C16orf96: variants seen among roughly 807,000 people sequenced by gnomAD.
C16orf96 encodes the protein uncharacterized protein C16orf96.
A neutral mutation model predicts 103.6 loss-of-function variants in C16orf96; 108 were observed. That is an observed-to-expected ratio of 1.04 (90% CI 0.89 to 1.22). C16orf96 has a LOEUF of 1.22. C16orf96 is among the 50% of genes most tolerant of loss of function. C16orf96 has a pLI of 0.00. For synonymous variants in C16orf96, 566 were observed against 593.5 expected, an observed-to-expected ratio of 0.95 and a Z score of 0.67; for missense variants, 1,586 against 1,464.2, an observed-to-expected ratio of 1.08 and a Z score of -1.36.
At chr16:4,600,013 T>A (rs1897249969) in intron 15 of C16orf96, 87 bp from the exon 16 acceptor site, 1 of 1,306,770 alleles carries the variant, frequency 7.7e-7, no homozygotes, top group East Asian at 2.5e-5. Flanking sequence ...GGGCTTCTCT[T>A]CTCTTTAGTG....
chr16:4,558,353 C>A (rs1051061356), intron 1 of C16orf96, among the ~76,000 whole-genome samples: 10 of 152,194 alleles, frequency 6.6e-5, no homozygotes, highest in Admixed American at 3.3e-4. Context: ...CAGTGGCTCA[C>A]ACCTATAATC....
chr16:4,564,365 A>G (rs2059365177), intron 1 of C16orf96, among the ~76,000 whole-genome samples: 1 of 152,178 alleles, frequency 6.6e-6, no homozygotes, highest in Non-Finnish European at 1.5e-5. Context: ...CACTGGGTCC[A>G]GGAAGTCCCC....
At chr16:4,562,469 A>AAC (rs1249024224) in intron 1 of C16orf96, among the ~76,000 whole-genome samples, 1 of 151,752 alleles carries the variant, frequency 6.6e-6, no homozygotes, top group Non-Finnish European at 1.5e-5. Context: ...GTCAAAAAAA[A>AAC]AAAAAAGAGA....
rs2059549001 is a variant in C16orf96, at chr16:4,579,026, G to A, written c.2241+1G>A. 6.4e-6 allele frequency: 10 copies of A among 1,551,422 alleles called. No homozygotes were observed. The highest frequency in any genetic ancestry group is 8.7e-6 in the Non-Finnish European group (10 of 1,146,826). ...CAGCCTCCAGAAATCTAGGCTCAAG[G>A]TTAGTGTCTCCGGCGAAGGGCTTTT... On this transcript the variant is annotated splice_donor_variant, in intron 6 of 15. Transcript: ENST00000444310. LOFTEE classifies it high-confidence loss of function.
rs2059501632 is a variant in C16orf96, at chr16:4,575,985, G to C, written c.1505G>C (p.Arg502Thr). 1.9e-6 allele frequency: 3 copies of C among 1,549,988 alleles called. No individual in the cohort carries two copies. Among genetic ancestry groups the C allele is most frequent in the African/African-American group, 1.4e-5 (1 of 72,874 alleles). The change falls in exon 5 of 16, where the codon AGA (arginine) becomes ACA (threonine). Residue 502 changes from arginine (R) to threonine (T), a missense_variant. By Grantham distance (71) the Arg-to-Thr change is moderately conservative (BLOSUM62 -1). Coordinates refer to ENST00000444310, the MANE Select transcript of C16orf96 (RefSeq NM_001145011.2). ...GGCAAGGATGTGGACCCCAAGGATA[G>C]AGCTCACAAGGATGATGTCCCCAAA... ...RGGKDVDPKD[R>T]AHKDDVPKDR...
At chr16:4,591,810 G>C in intron 10 of C16orf96, 26 bp downstream of exon 10, 1 of 1,443,424 alleles carries the variant, frequency 6.9e-7, no homozygotes, top group Non-Finnish European at 9.3e-7. Context: ...AGCCCCTCCT[G>C]GTAGGGGTCC....
chr16:4,569,917 A>C (rs2056081558), intron 1 of C16orf96, among the ~76,000 whole-genome samples: 1 of 152,074 alleles, frequency 6.6e-6, no homozygotes, highest in South Asian at 2.1e-4. Flanking sequence ...GCCCATGGCC[A>C]CTTTTACAAC....
At chr16:4,542,690 C>T in the C16orf96 span, among the ~76,000 whole-genome samples, 5 of 151,836 alleles carry the variant, frequency 3.3e-5, no homozygotes, top group Admixed American at 6.6e-5. Flanking sequence ...CCCAGCTACT[C>T]GGGAGGCTGA....
intron 14 of C16orf96, among the ~76,000 whole-genome samples, chr16:4,598,388 A>C (rs1351702272): frequency 1.3e-5 from 2 of 152,114 alleles, no homozygotes; most frequent in African/African-American, 4.8e-5. Context: ...AAATGTCCAG[A>C]ATAGAAAAAT....
chr16:4,584,787 G>A (rs1343664796), intron 7 of C16orf96, among the ~76,000 whole-genome samples: 4 of 152,096 alleles, frequency 2.6e-5, no homozygotes, highest in African/African-American at 9.7e-5. Context: ...GCCTGCCTCG[G>A]CCTCCCAAAG....
At chr16:4,549,149 C>G in the C16orf96 span, among the ~76,000 whole-genome samples, 1 of 151,982 alleles carries the variant, frequency 6.6e-6, no homozygotes, top group African/African-American at 2.4e-5. Context: ...TTTCACAAAC[C>G]TCACTCACTA....
Position 4,575,360 on chromosome 16 carries a change from T to C in C16orf96, c.880T>C (p.Ser294Pro). The C allele has an allele frequency of 3.2e-6, 5 of 1,551,178 alleles. No individual in the cohort carries two copies. Among genetic ancestry groups the C allele is most frequent in the Non-Finnish European group, 4.4e-6 (5 of 1,146,990 alleles). The change falls in exon 5 of 16, where the codon TCT (serine) becomes CCT (proline). Residue 294 changes from serine to proline, a missense_variant. Ser to Pro is a moderately conservative substitution (Grantham distance 74). Coordinates refer to ENST00000444310, the MANE Select transcript of C16orf96 (RefSeq NM_001145011.2). ...EVPELLPEGS[S>P]AQAVSLSRAQ... is the part of the protein sequence containing the mutation. ...CCCAGAGCTCCTCCCGGAGGGCTCA[T>C]CTGCCCAAGCAGTTTCACTCAGCAG...
chr16:4,591,725 C>T lies in C16orf96; in HGVS notation c.2652C>T (p.Val884=). ...AAATGGAAGAGGTCTGGAAAATCGT[C>T]CGGAAGCTGCTGATTGAGGGCTTAA... is the stretch of plus-strand genomic sequence containing the variant. ...KKEMEEVWKI[V]RKLLIEGLRL... Residue 884 remains valine, a synonymous_variant, in exon 10 of 16, where the codon GTC becomes GTT. Transcript: ENST00000444310. 1 of 1,551,682 alleles carries T rather than the reference C, an allele frequency of 6.4e-7. No individual in the cohort carries two copies. Among genetic ancestry groups the T allele is most frequent in the Non-Finnish European group, 8.7e-7 (1 of 1,146,996 alleles).
At chr16:4,592,472 T>A in intron 11 of C16orf96, 105 bp downstream of exon 11, 1 of 1,277,086 alleles carries the variant, frequency 7.8e-7, no homozygotes, top group Non-Finnish European at 1.1e-6. Flanking sequence ...GCTGTGTGTC[T>A]ACACATCCAT....
chr16:4,575,106 G>A (rs1023103012), intron 4 of C16orf96, 48 bp downstream of exon 4: 15 of 1,548,482 alleles, frequency 9.7e-6, no homozygotes, highest in South Asian at 5.9e-5. Context: ...GGGAGCAGGC[G>A]GGTGGCTGAC....
chr16:4,594,815 A>G lies in C16orf96; in HGVS notation c.3127+12A>G. 6.5e-7 allele frequency: 1 copy of G among 1,549,192 alleles called. No individual in the cohort carries two copies. Among genetic ancestry groups the G allele is most frequent in the African/African-American group, 1.4e-5 (1 of 73,102 alleles). On this transcript the variant is annotated intron_variant, in intron 14 of 15. Transcript: ENST00000444310. ...AAAGGAGCTGGCAGGTGAGGGGCGT[A>G]GGGCTCCCTGGGGCACCCTTGCCTG...
At chr16:4,551,045 A>G in the C16orf96 span, among the ~76,000 whole-genome samples, 5 of 152,334 alleles carry the variant, frequency 3.3e-5, no homozygotes, top group South Asian at 1.0e-3. Context: ...GGCTGAGGCC[A>G]GAGGACCGCT....
At chr16:4,585,551 G>A (rs1305113500) in intron 7 of C16orf96, among the ~76,000 whole-genome samples, 1 of 152,228 alleles carries the variant, frequency 6.6e-6, no homozygotes, top group Non-Finnish European at 1.5e-5. Flanking sequence ...CTGGGAGGGG[G>A]CCTGGAGTGG....
chr16:4,584,365 T>TTTTTTTTTTTTTTGG (rs1896866794), intron 7 of C16orf96, among the ~76,000 whole-genome samples: 1 of 144,928 alleles, frequency 6.9e-6, no homozygotes, highest in African/African-American at 2.6e-5. Flanking sequence ...TTTTTTTTTT[T>TTTTTTTTTTTTTTGG]GAGATACAGT....
Sources: allele counts gnomAD v4.1 joint callset (sites outside exome capture counted in the v4.1 genomes callset), GRCh38; gene constraint gnomAD v4.1.1; transcripts MANE v1.5; gene names NCBI Gene and HGNC (gene_info 2026-07-23, HGNC 2026-07-21).